The following C10orf105 variants were observed in gnomAD, a reference collection of about 807,000 sequenced individuals.
The protein encoded by C10orf105 is uncharacterized protein C10orf105.
A neutral mutation model predicts 0.6 loss-of-function variants in C10orf105; 2 were observed. The ratio of observed to expected loss-of-function variants is 3.18; its 90% CI spans 1.30 to 10.01. The LOEUF (loss-of-function observed/expected upper bound fraction) is 10.01, where lower values mean the gene tolerates loss of function less well. Ranked by LOEUF, C10orf105 falls within the 30% of genes most tolerant of loss-of-function variation. C10orf105 has a pLI of 0.04. For missense variants in C10orf105, 209 were observed against 191.4 expected, an observed-to-expected ratio of 1.09 and a Z score of -0.54; for synonymous variants, 95 against 82.4, an observed-to-expected ratio of 1.15 and a Z score of -0.83.
chr10:71,732,285 C>G, intron 1 of C10orf105: 1 of 1,613,016 alleles, frequency 6.2e-7, no homozygotes, highest in South Asian at 1.1e-5. Context: ...TCCAGGCCTA[C>G]TCCATCGACA....
chr10:71,712,860 G>A lies in C10orf105; in HGVS notation c.*3076C>T, dbSNP rs569390669. The A allele has an allele frequency of 1.8e-5, 29 of 1,591,520 alleles. No homozygotes were observed. Among genetic ancestry groups the A allele is most frequent in the East Asian group, 6.8e-5 (3 of 43,902 alleles). ...GGGCAGGTGGTGGGCTGGGGGAGGC[G>A]GAGCCACACACGGCCCTGAGGGCAC... is the stretch of plus-strand genomic sequence containing the variant. On this transcript the variant is annotated 3_prime_UTR_variant, in exon 2 of 2. Coordinates refer to ENST00000441508, the MANE Select transcript of C10orf105 (RefSeq NM_001164375.3).
chr10:71,735,963 C>G (rs1839552478), intron 1 of C10orf105, among the ~76,000 whole-genome samples: 1 of 152,280 alleles, frequency 6.6e-6, no homozygotes, highest in African/African-American at 2.4e-5. Flanking sequence ...AAGTGGGACC[C>G]TCTTACTGAG....
At chr10:71,726,168 G>A (rs969339943) in intron 1 of C10orf105, among the ~76,000 whole-genome samples, 3 of 152,140 alleles carry the variant, frequency 2.0e-5, no homozygotes, top group African/African-American at 7.2e-5. Context: ...AGATGAATGA[G>A]ATGACCTCTC....
At position 71,733,335 on chromosome 10, in the gene C10orf105, AG is replaced by A. The variant is rs1839452901; in HGVS notation, c.-6+4392del. Among the ~76,000 whole-genome samples, 5 of 152,308 alleles carry A rather than the reference AG, an allele frequency of 3.3e-5. No individual in the cohort carries two copies. The South Asian group carries it at 1.0e-3, about 32-fold the overall frequency. ...GCAGACTGCAAGCTCTCTGTAGTTC[AG>A]GGATGTCTATGGAGGCTTCATCACA... On this transcript the variant is annotated intron_variant, in intron 1 of 1. Transcript: ENST00000398786.
chr10:71,713,243 A>G lies in C10orf105; in HGVS notation c.*2693T>C. On this transcript the variant is annotated 3_prime_UTR_variant, in exon 2 of 2. Transcript: ENST00000441508. The stretch of plus-strand genomic sequence containing the variant: ...CCCTCTTGGGAAGTAAACAGGCACA[A>G]GAAGAAAGGGCTCCTTTGCCCAGGG... 1.3e-6 allele frequency: 1 copy of G among 779,380 alleles called. No individual in the cohort carries two copies. Among genetic ancestry groups the G allele is most frequent in the Non-Finnish European group, 2.4e-6 (1 of 417,828 alleles). The allele number at this position is 779,380 out of a possible 1,614,324, so 48.3% of individuals were successfully genotyped here.
chr10:71,712,857 G>A lies in C10orf105; in HGVS notation c.*3079C>T, dbSNP rs1230211912. ...CTGGGGCAGGTGGTGGGCTGGGGGA[G>A]GCGGAGCCACACACGGCCCTGAGGG... On this transcript the variant is annotated 3_prime_UTR_variant, in exon 2 of 2. Coordinates refer to ENST00000441508, the MANE Select transcript of C10orf105 (RefSeq NM_001164375.3). 2 of 1,595,228 alleles carry A rather than the reference G, an allele frequency of 1.3e-6. No individual in the cohort carries two copies. The highest frequency in any genetic ancestry group is 2.7e-5 in the African/African-American group (2 of 74,676).
chr10:71,726,616 G>A (rs1866823458), intron 1 of C10orf105, among the ~76,000 whole-genome samples: 1 of 152,234 alleles, frequency 6.6e-6, no homozygotes, highest in Non-Finnish European at 1.5e-5. Flanking sequence ...CCTGGTGATG[G>A]AGACTCAGAC....
intron 1 of C10orf105, chr10:71,730,433 C>T: frequency 6.2e-7 from 1 of 1,608,818 alleles, no homozygotes; most frequent in Non-Finnish European, 8.5e-7. Flanking sequence ...GCCTCCACCC[C>T]ACCCTGACCT....
upstream of C10orf105, among the ~76,000 whole-genome samples, chr10:71,720,878 G>A (rs1866525380): frequency 6.6e-6 from 1 of 152,182 alleles, no homozygotes; most frequent in Non-Finnish European, 1.5e-5. Flanking sequence ...TGGGGGACTT[G>A]GTGTTTCCCC....
At chr10:71,730,670 C>A (rs954592432) in intron 1 of C10orf105, 17 of 1,592,882 alleles carry the variant, frequency 1.1e-5, no homozygotes, top group Non-Finnish European at 1.1e-5. Context: ...CTCACCCAGC[C>A]CCTCCTTCGA....
chr10:71,731,577 G>C (rs1011309638), intron 1 of C10orf105, among the ~76,000 whole-genome samples: 1 of 152,186 alleles, frequency 6.6e-6, no homozygotes, highest in Non-Finnish European at 1.5e-5. Flanking sequence ...AAGCCCTTCT[G>C]TCGAAGGGAC....
chr10:71,734,316 G>T (rs1161981728), intron 1 of C10orf105: 8 of 1,611,142 alleles, frequency 5.0e-6, no homozygotes, highest in Non-Finnish European at 6.8e-6. Flanking sequence ...GCAGATGACG[G>T]CGGCCCCAAG....
chr10:71,723,934 T>A, upstream of C10orf105: 2 of 1,239,020 alleles, frequency 1.6e-6, no homozygotes, highest in Non-Finnish European at 2.3e-6. Context: ...AGACCACAGG[T>A]TTTGGCAGGA....
intron 1 of C10orf105, among the ~76,000 whole-genome samples, chr10:71,719,085 T>TA (rs1177825240): frequency 1.3e-5 from 2 of 150,628 alleles, no homozygotes; most frequent in East Asian, 3.9e-4. Flanking sequence ...CTCAAAAAAA[T>TA]AAAAAATAAA....
chr10:71,717,639 C>G (rs1203444123), intron 1 of C10orf105: 1 of 152,270 alleles, frequency 6.6e-6, no homozygotes. Flanking sequence ...TACAGATGAG[C>G]AGGGCCACCT....
At chr10:71,716,379 C>T in intron 1 of C10orf105, 37 bp from the exon 2 acceptor site, 1 of 1,446,386 alleles carries the variant, frequency 6.9e-7, no homozygotes. Context: ...AAAGGCAGAT[C>T]AGCTGGACCC....
upstream of C10orf105, among the ~76,000 whole-genome samples, chr10:71,722,382 G>A (rs1397885272): frequency 6.6e-6 from 1 of 152,214 alleles, no homozygotes; most frequent in Non-Finnish European, 1.5e-5. Flanking sequence ...AGGCACAGAT[G>A]GGCTCCTGGA....
chr10:71,718,609 C>T (rs1315378641), intron 1 of C10orf105, among the ~76,000 whole-genome samples: 1 of 152,252 alleles, frequency 6.6e-6, no homozygotes, highest in Admixed American at 6.5e-5. Context: ...CTCTCCTACC[C>T]TGGACAATGC....
At chr10:71,724,132 G>A (rs1564758793), upstream of C10orf105, 1 of 1,552,332 alleles carries the variant, frequency 6.4e-7, no homozygotes, top group Non-Finnish European at 8.7e-7. Context: ...TAGGATGGGG[G>A]GCGGTCCTCC....
Sources: allele counts gnomAD v4.1 joint callset (sites outside exome capture counted in the v4.1 genomes callset), GRCh38; gene constraint gnomAD v4.1.1; transcripts MANE v1.5; gene names NCBI Gene and HGNC (gene_info 2026-07-23, HGNC 2026-07-21).